The following RPS6KC1 variants were observed in gnomAD, a reference collection of about 807,000 sequenced individuals.
RPS6KC1 encodes the protein inactive ribosomal protein S6 kinase delta-1.
RPS6KC1 carries 54 observed loss-of-function variants against 103.8 expected under a neutral mutation model. The observed-to-expected ratio is 0.52, with a 90% CI of 0.42 to 0.65. The LOEUF (loss-of-function observed/expected upper bound fraction) is 0.65, where lower values mean the gene tolerates loss of function less well. Ranked by LOEUF, RPS6KC1 falls within the 30% of genes least tolerant of loss-of-function variation. The pLI is 0.00. For missense variants in RPS6KC1, 1,151 were observed against 1,253.8 expected (o/e 0.92, Z 1.24); for synonymous variants, 439 against 438.7 (o/e 1.00, Z -0.01).
the RPS6KC1 span, among the ~76,000 whole-genome samples, chr1:213,861,852 C>T: frequency 1.3e-5 from 2 of 152,170 alleles, no homozygotes; most frequent in East Asian, 3.9e-4. Context: ...GTGTTTGACA[C>T]CCGAGTCTGA....
the RPS6KC1 span, among the ~76,000 whole-genome samples, chr1:213,807,522 C>T: frequency 6.6e-6 from 1 of 152,172 alleles, no homozygotes; most frequent in Non-Finnish European, 1.5e-5. Context: ...CACTTCATTT[C>T]ATTCATTTCA....
chr1:213,641,569 T>C, the RPS6KC1 span, among the ~76,000 whole-genome samples: 2 of 152,094 alleles, frequency 1.3e-5, no homozygotes, highest in Admixed American at 6.6e-5. Flanking sequence ...GGTAAAGGTC[T>C]ACTGGTTAGC....
the RPS6KC1 span, among the ~76,000 whole-genome samples, chr1:213,395,331 CAA>C: frequency 9.2e-5 from 14 of 152,222 alleles, 1 homozygote; most frequent in Admixed American, 4.6e-4. Context: ...GGTAGGATCT[CAA>C]AGAGTGTTGG....
the RPS6KC1 span, among the ~76,000 whole-genome samples, chr1:213,675,754 G>A: frequency 6.6e-6 from 1 of 152,154 alleles, no homozygotes; most frequent in Non-Finnish European, 1.5e-5. Flanking sequence ...GTGGGCACCT[G>A]TAATCCCAGC....
the RPS6KC1 span, among the ~76,000 whole-genome samples, chr1:213,641,247 C>T: frequency 6.6e-6 from 1 of 151,852 alleles, no homozygotes; most frequent in South Asian, 2.1e-4. Flanking sequence ...CTAATATCTG[C>T]ATCATCTCCT....
chr1:213,058,756 A>G (rs2077564421), intron 1 of RPS6KC1, among the ~76,000 whole-genome samples: 1 of 152,014 alleles, frequency 6.6e-6, no homozygotes, highest in African/African-American at 2.4e-5. Flanking sequence ...GCTTTTTCAT[A>G]TATATTTTAG....
intron 12 of RPS6KC1, among the ~76,000 whole-genome samples, chr1:213,253,966 CT>C (rs1051678801): frequency 2.0e-5 from 3 of 152,074 alleles, no homozygotes; most frequent in African/African-American, 4.8e-5. Context: ...GACTATAAAA[CT>C]TTGTTATTCT....
intron 8 of RPS6KC1, among the ~76,000 whole-genome samples, chr1:213,188,518 AT>A (rs2148443168): frequency 6.6e-6 from 1 of 151,936 alleles, no homozygotes; most frequent in East Asian, 1.9e-4. Context: ...GCACTTACAT[AT>A]TTGTTTGTTT....
intron 12 of RPS6KC1, among the ~76,000 whole-genome samples, chr1:213,253,803 A>G (rs991255218): frequency 6.6e-6 from 1 of 152,094 alleles, no homozygotes; most frequent in Non-Finnish European, 1.5e-5. Context: ...TCCCATCGCT[A>G]TATAGACATC....
chr1:213,773,526 AT>A, the RPS6KC1 span, among the ~76,000 whole-genome samples: 7 of 148,724 alleles, frequency 4.7e-5, no homozygotes, highest in Non-Finnish European at 7.4e-5. Context: ...TAATATAGAT[AT>A]TATGTATAGA....
chr1:213,485,896 A>G, the RPS6KC1 span, among the ~76,000 whole-genome samples: 6 of 152,336 alleles, frequency 3.9e-5, no homozygotes, highest in East Asian at 5.8e-4. Context: ...AATGTGTGGC[A>G]GAGTCATTTG....
At chr1:213,704,899 C>A in the RPS6KC1 span, among the ~76,000 whole-genome samples, 1 of 152,198 alleles carries the variant, frequency 6.6e-6, no homozygotes, top group South Asian at 2.1e-4. Flanking sequence ...TGGCTTAGGA[C>A]AAGATCCAGA....
chr1:213,424,572 G>A, the RPS6KC1 span, among the ~76,000 whole-genome samples: 1 of 152,392 alleles, frequency 6.6e-6, no homozygotes, highest in Admixed American at 6.5e-5. Context: ...GCCCAGGCCA[G>A]TGAGTGGTCA....
the RPS6KC1 span, among the ~76,000 whole-genome samples, chr1:213,603,852 T>C: frequency 1.3e-5 from 2 of 151,758 alleles, no homozygotes; most frequent in South Asian, 4.2e-4. Flanking sequence ...AGAGGGAGAC[T>C]CTGTCTCAAA....
intron 8 of RPS6KC1, among the ~76,000 whole-genome samples, chr1:213,202,201 T>G (rs918696483): frequency 6.6e-6 from 1 of 152,112 alleles, no homozygotes. Context: ...TTGATTATTA[T>G]AACATTTATA....
At chr1:213,676,965 C>T in the RPS6KC1 span, among the ~76,000 whole-genome samples, 4 of 152,166 alleles carry the variant, frequency 2.6e-5, no homozygotes, top group African/African-American at 9.7e-5. Context: ...AGAAAACAAA[C>T]AGAGGCCCTC....
chr1:213,760,705 T>G, the RPS6KC1 span, among the ~76,000 whole-genome samples: 1 of 152,260 alleles, frequency 6.6e-6, no homozygotes, highest in African/African-American at 2.4e-5. Context: ...GTTTTGTTGT[T>G]GTTTACTCTT....
At chr1:213,055,133 A>T (rs2077231403) in intron 1 of RPS6KC1, among the ~76,000 whole-genome samples, 1 of 152,160 alleles carries the variant, frequency 6.6e-6, no homozygotes, top group Admixed American at 6.5e-5. Flanking sequence ...GTCCAATTTG[A>T]TGAGTTTTGA....
chr1:213,494,927 G>A, the RPS6KC1 span, among the ~76,000 whole-genome samples: 2 of 150,382 alleles, frequency 1.3e-5, no homozygotes, highest in Admixed American at 1.3e-4. Context: ...AAATCACATA[G>A]ATAAACTGGA....
Sources: allele counts gnomAD v4.1 joint callset (sites outside exome capture counted in the v4.1 genomes callset), GRCh38; gene constraint gnomAD v4.1.1; transcripts MANE v1.5; gene names NCBI Gene and HGNC (gene_info 2026-07-23, HGNC 2026-07-21).